The following RABGAP1L variants were observed in gnomAD, a reference collection of about 807,000 sequenced individuals.
RABGAP1L encodes the protein rab GTPase-activating protein 1-like.
RABGAP1L carries 63 observed loss-of-function variants against 137.7 expected under a neutral mutation model. That is an observed-to-expected ratio of 0.46 (90% CI 0.37 to 0.56). The LOEUF is 0.56. Among genes scored for constraint, RABGAP1L ranks in the 20% least tolerant of loss-of-function variants. RABGAP1L has a pLI of 0.00. For missense variants in RABGAP1L, 1,095 were observed against 1,244.0 expected (o/e 0.88, Z 1.80); for synonymous variants, 431 against 433.7 (o/e 0.99, Z 0.08).
chr1:174,397,301 G>A (rs1326454517), intron 13 of RABGAP1L, among the ~76,000 whole-genome samples: 3 of 152,204 alleles, frequency 2.0e-5, no homozygotes, highest in Non-Finnish European at 4.4e-5. Flanking sequence ...GGAGGCAAAA[G>A]CCATATTTTC....
chr1:174,952,124 T>C (rs1667792139), intron 19 of RABGAP1L, among the ~76,000 whole-genome samples: 1 of 151,966 alleles, frequency 6.6e-6, no homozygotes, highest in Non-Finnish European at 1.5e-5. Context: ...AAGTTTAAGA[T>C]CTGCGGTGTT....
chr1:174,647,715 G>C (rs1227541715), intron 14 of RABGAP1L, among the ~76,000 whole-genome samples: 1 of 151,952 alleles, frequency 6.6e-6, no homozygotes, highest in Admixed American at 6.6e-5. Context: ...GATGGTGCTG[G>C]CCTCATAAAA....
intron 15 of RABGAP1L, among the ~76,000 whole-genome samples, chr1:174,696,575 CT>C (rs1009197884): frequency 6.6e-6 from 1 of 152,154 alleles, no homozygotes; most frequent in African/African-American, 2.4e-5. Flanking sequence ...GGCTTCCCTT[CT>C]GTCTGGGGCC....
intron 13 of RABGAP1L, among the ~76,000 whole-genome samples, chr1:174,606,448 T>C (rs1436362334): frequency 1.3e-5 from 2 of 152,240 alleles, no homozygotes; most frequent in Admixed American, 1.3e-4. Context: ...CACGGGTTTA[T>C]TTCATTATGC....
intron 13 of RABGAP1L, among the ~76,000 whole-genome samples, chr1:174,404,805 C>A (rs1649068338): frequency 6.6e-6 from 1 of 152,038 alleles, no homozygotes; most frequent in Middle Eastern, 3.2e-3. Flanking sequence ...TATCAGACAG[C>A]AAAAAGGGCA....
chr1:174,617,735 G>T (rs186496513), intron 13 of RABGAP1L, among the ~76,000 whole-genome samples: 170 of 152,266 alleles, frequency 1.1e-3, no homozygotes, highest in Middle Eastern at 6.8e-3. Context: ...TACATTACCA[G>T]GGGGTGCAGC....
Position 174,448,608 on chromosome 1 carries a change from G to A in RABGAP1L, c.1710+54463G>A. On this transcript the variant is annotated intron_variant, in intron 13 of 25. Transcript: ENST00000681986. The surrounding 1 kb of genome is among the most constrained non-coding windows in gnomAD (Gnocchi z 4.2). The stretch of plus-strand genomic sequence containing the variant: ...TTGAGAATTTGCATTATTTTGATCT[G>A]GATCTACTCCTGCCTAATTTTCTTG... 1 of 1,613,794 alleles carries A rather than the reference G, an allele frequency of 6.2e-7. No individual in the cohort carries two copies. Among genetic ancestry groups the A allele is most frequent in the Non-Finnish European group, 8.5e-7 (1 of 1,179,806 alleles).
At chr1:174,181,617 G>T (rs1247569920) in intron 1 of RABGAP1L, among the ~76,000 whole-genome samples, 2 of 152,134 alleles carry the variant, frequency 1.3e-5, no homozygotes, top group Admixed American at 1.3e-4. Flanking sequence ...GATTACAGGC[G>T]TGAGCCACCA....
At chr1:174,360,206 T>C (rs1468608714) in intron 11 of RABGAP1L, among the ~76,000 whole-genome samples, 1 of 150,988 alleles carries the variant, frequency 6.6e-6, no homozygotes, top group African/African-American at 2.5e-5. Context: ...TAGTAATAGG[T>C]TTTTGTTTCA....
chr1:174,196,503 C>T (rs544306749), intron 1 of RABGAP1L, among the ~76,000 whole-genome samples: 3 of 151,966 alleles, frequency 2.0e-5, no homozygotes, highest in South Asian at 2.1e-4. Context: ...GGATTACAGG[C>T]GTGAGCAGCA....
At chr1:174,438,689 G>A (rs2149221017) in intron 13 of RABGAP1L, among the ~76,000 whole-genome samples, 1 of 146,332 alleles carries the variant, frequency 6.8e-6, no homozygotes, top group African/African-American at 2.6e-5. Flanking sequence ...CTGCACTCCA[G>A]CCTGGGAGAC....
intron 13 of RABGAP1L, among the ~76,000 whole-genome samples, chr1:174,560,789 T>C (rs1667162989): frequency 6.6e-6 from 1 of 152,146 alleles, no homozygotes; most frequent in African/African-American, 2.4e-5. Context: ...AGTGTTTAGC[T>C]CCTGATTATA....
chr1:174,753,863 A>G (rs1384462904), intron 18 of RABGAP1L, among the ~76,000 whole-genome samples: 1 of 152,206 alleles, frequency 6.6e-6, no homozygotes, highest in Non-Finnish European at 1.5e-5. Flanking sequence ...CTCAGATATT[A>G]TGTCTTTCCT....
At chr1:174,347,843 C>T (rs1682591042) in intron 11 of RABGAP1L, among the ~76,000 whole-genome samples, 1 of 152,126 alleles carries the variant, frequency 6.6e-6, no homozygotes, top group South Asian at 2.1e-4. Context: ...TTTGTGGCTT[C>T]CATTTGCATG....
chr1:174,636,030 C>A (rs1240101843), intron 13 of RABGAP1L, among the ~76,000 whole-genome samples: 1 of 152,096 alleles, frequency 6.6e-6, no homozygotes, highest in East Asian at 1.9e-4. Context: ...AATTAGTAGT[C>A]TGATGTGAAT....
chr1:174,634,887 G>T (rs1487665012), intron 13 of RABGAP1L, among the ~76,000 whole-genome samples: 15 of 119,406 alleles, frequency 1.3e-4, no homozygotes, highest in Non-Finnish European at 2.6e-4. Flanking sequence ...CTGTGGTGGG[G>T]TGGGGGGAGG....
intron 1 of RABGAP1L, among the ~76,000 whole-genome samples, chr1:174,212,629 A>G (rs1668985108): frequency 6.6e-6 from 1 of 152,130 alleles, no homozygotes. Context: ...ATACTTAAAG[A>G]ACTAGAAAAA....
intron 17 of RABGAP1L, among the ~76,000 whole-genome samples, chr1:174,710,236 A>G (rs1394947398): frequency 6.6e-6 from 1 of 152,188 alleles, no homozygotes; most frequent in East Asian, 1.9e-4. Flanking sequence ...TGGAAAACAC[A>G]CTTCAGGATA....
chr1:174,418,136 C>T (rs1469322556), intron 13 of RABGAP1L, among the ~76,000 whole-genome samples: 1 of 152,144 alleles, frequency 6.6e-6, no homozygotes, highest in Non-Finnish European at 1.5e-5. Flanking sequence ...TGTTGCTTAC[C>T]GGTGCTTAGT....
Sources: allele counts gnomAD v4.1 joint callset (sites outside exome capture counted in the v4.1 genomes callset), GRCh38; gene constraint gnomAD v4.1.1; non-coding constraint Gnocchi (gnomAD v3.1); transcripts MANE v1.5; gene names NCBI Gene and HGNC (gene_info 2026-07-23, HGNC 2026-07-21).